ZIK1: variants seen among roughly 807,000 people sequenced by gnomAD.
ZIK1 encodes zinc finger protein interacting with ribonucleoprotein K.
ZIK1 carries 12 observed loss-of-function variants against 10.7 expected under a neutral mutation model. The ratio of observed to expected loss-of-function variants is 1.12; its 90% confidence interval spans 0.72 to 1.81. The LOEUF is 1.81. Ranked by LOEUF, ZIK1 falls within the 40% of genes most tolerant of loss-of-function variation. The probability of loss-of-function intolerance (pLI) is 0.00; values close to 1 mark genes in which losing one functional copy is unlikely to be tolerated. For synonymous variants in ZIK1, 190 were observed against 205.0 expected (o/e 0.93, Z 0.63); for missense variants, 497 against 585.7 (o/e 0.85, Z 1.56).
At position 57,591,118 on chromosome 19, in the gene ZIK1, A is replaced by T; in HGVS notation, c.1307A>T (p.Glu436Val). The T allele has an allele frequency of 1.2e-6, 2 of 1,614,178 alleles. No individual in the cohort carries two copies. Among genetic ancestry groups the T allele is most frequent in the Non-Finnish European group, 1.7e-6 (2 of 1,180,036 alleles). The change falls in exon 4 of 4, where the codon GAG becomes GTG. Residue 436 changes from glutamate to valine, a missense_variant. Transcript: ENST00000597850. ...RRIHTGARPY[E>V]CGQCGKSFSQ... The stretch of plus-strand genomic sequence containing the variant: ...ATTCATACTGGAGCAAGGCCTTATG[A>T]GTGTGGCCAGTGTGGAAAGTCCTTT...
intron 2 of ZIK1, among the ~76,000 whole-genome samples, chr19:57,587,007 T>C (rs1333002802): frequency 1.3e-5 from 2 of 152,150 alleles, no homozygotes; most frequent in African/African-American, 2.4e-5. Flanking sequence ...TGGGGAGGCC[T>C]CACAATCATG....
Position 57,591,370 on chromosome 19 carries a change from C to T in ZIK1, c.*95C>T, listed in dbSNP as rs564692572. ...GTCCACACTTAAGTAGAGCCTTAGA[C>T]CTACAGGGAAAGTGCTGTCTCTGTA... On this transcript the variant is annotated 3_prime_UTR_variant, in exon 4 of 4. Transcript: ENST00000597850. 6.3e-5 allele frequency: 80 copies of T among 1,274,698 alleles called. No individual in the cohort carries two copies. The South Asian group carries it at 1.1e-3, about 18-fold the overall frequency. The allele number at this position is 1,274,698 out of a possible 1,614,324, so 79.0% of individuals were successfully genotyped here.
intron 3 of ZIK1, 110 bp downstream of exon 3, chr19:57,588,775 G>T: frequency 8.2e-7 from 1 of 1,222,632 alleles, no homozygotes. Flanking sequence ...CACTGCCTGA[G>T]TAGCCCTAAC....
Position 57,584,470 on chromosome 19 carries a change from T to C in ZIK1, c.33+81T>C, listed in dbSNP as rs901718279. On this transcript the variant is annotated intron_variant, in intron 1 of 3. Transcript: ENST00000597850. ...GGTCACTACGGTCGAGATCCTCATGTCCAGTACAGTGGGGGCTCGTGGGTG... is the reference window on the plus strand; with the variant it reads ...GGTCACTACGGTCGAGATCCTCATGCCCAGTACAGTGGGGGCTCGTGGGTG... The C allele has an allele frequency of 2.6e-6, 4 of 1,526,964 alleles. No individual in the cohort carries two copies. The African/African-American group carries it at 4.1e-5, about 16-fold the overall frequency. 94.6% of individuals were successfully genotyped at this position (1,526,964 alleles called of 1,614,324 possible). A position where few individuals can be genotyped will look rare whatever the true frequency, so the allele number is the denominator to read the frequency against.
Position 57,591,390 on chromosome 19 carries a change from T to A in ZIK1, c.*115T>A. ...TTAGACCTACAGGGAAAGTGCTGTCTCTGTAGTATTGTAGCAGTAGAGAGC... is the reference window on the plus strand; with the variant it reads ...TTAGACCTACAGGGAAAGTGCTGTCACTGTAGTATTGTAGCAGTAGAGAGC... On this transcript the variant is annotated 3_prime_UTR_variant, in exon 4 of 4. Coordinates refer to ENST00000597850, the MANE Select transcript of ZIK1 (RefSeq NM_001010879.4). The A allele has an allele frequency of 9.4e-7, 1 of 1,061,818 alleles. No homozygotes were observed. The highest frequency in any genetic ancestry group is 1.3e-6 in the Non-Finnish European group (1 of 746,170). 65.8% of individuals were successfully genotyped at this position (1,061,818 alleles called of 1,614,324 possible). A position where few individuals can be genotyped will look rare whatever the true frequency, so the allele number is the denominator to read the frequency against.
At chr19:57,587,473 A>C (rs946482574) in intron 2 of ZIK1, among the ~76,000 whole-genome samples, 2 of 152,166 alleles carry the variant, frequency 1.3e-5, no homozygotes, top group African/African-American at 4.8e-5. Context: ...GAATGGGATT[A>C]GTGAGTGCTC....
intron 3 of ZIK1, chr19:57,589,551 T>C (rs1395352473): frequency 2.0e-6 from 2 of 985,436 alleles, no homozygotes; most frequent in South Asian, 9.4e-5. Flanking sequence ...ACACACATAA[T>C]GTCTCATGAA....
In ZIK1 at chr19:57,591,342, A is replaced by C. The variant is rs934526736; in HGVS notation, c.*67A>C. ...AAGATCTATCATCATTTAGCTCCTG[A>C]AAGTCCACACTTAAGTAGAGCCTTA... On this transcript the variant is annotated 3_prime_UTR_variant, in exon 4 of 4. Transcript: ENST00000597850. 1.4e-6 allele frequency: 2 copies of C among 1,479,382 alleles called. No homozygotes were observed. The highest frequency in any genetic ancestry group is 1.8e-6 in the Non-Finnish European group (2 of 1,093,052). The allele number at this position is 1,479,382 out of a possible 1,614,324, so 91.6% of individuals were successfully genotyped here.
At chr19:57,585,064 C>T in intron 2 of ZIK1, 74 bp downstream of exon 2, 1 of 1,464,452 alleles carries the variant, frequency 6.8e-7, no homozygotes, top group African/African-American at 1.4e-5. Context: ...CTTTTTGCCA[C>T]CATCCAGTTC....
chr19:57,590,182 A>T lies in ZIK1; in HGVS notation c.371A>T (p.Tyr124Phe), dbSNP rs1308449597. ...HLADLPGQKPYLVGECTNHHQ... is the reference protein window; with the variant it reads ...HLADLPGQKPFLVGECTNHHQ... ...GCTGATCTCCCTGGGCAGAAACCAT[A>T]CTTGGTTGGAGAATGTACAAACCAT... The change falls in exon 4 of 4, where the codon TAC (tyrosine) becomes TTC (phenylalanine). Residue 124 changes from tyrosine to phenylalanine, a missense_variant. Physicochemically the swap from Tyr to Phe is conservative, Grantham distance 22 (BLOSUM62 3). Coordinates refer to ENST00000597850, the MANE Select transcript of ZIK1 (RefSeq NM_001010879.4). 6 of 1,614,080 alleles carry T rather than the reference A, an allele frequency of 3.7e-6. No individual in the cohort carries two copies. The highest frequency in any genetic ancestry group is 1.3e-5 in the African/African-American group (1 of 74,920).
chr19:57,590,522 G>A lies in ZIK1; in HGVS notation c.711G>A (p.Lys237=), dbSNP rs541385135. 7 of 1,614,136 alleles carry A rather than the reference G, an allele frequency of 4.3e-6. No individual in the cohort carries two copies. In the South Asian group the frequency reaches 5.5e-5, roughly 13 times the overall value. Residue 237 remains lysine (K), a synonymous_variant, in exon 4 of 4, where the codon AAG becomes AAA. Coordinates refer to ENST00000597850, the MANE Select transcript of ZIK1 (RefSeq NM_001010879.4). ...VYHPRVYTGK[K]LYECSKCGKA... ...ATCCAAGAGTCTACACTGGAAAAAA[G>A]CTTTATGAGTGTAGCAAATGTGGGA...
intron 2 of ZIK1, 72 bp downstream of exon 2, chr19:57,585,062 C>A (rs1263726906): frequency 1.3e-6 from 2 of 1,485,772 alleles, no homozygotes; most frequent in Admixed American, 2.0e-5. Flanking sequence ...ATCTTTTTGC[C>A]ACCATCCAGT....
Position 57,590,835 on chromosome 19 carries a change from CAA to C in ZIK1, c.1026_1027del (p.Arg343SerfsTer9), listed in dbSNP as rs1185005488. On this transcript the variant is annotated frameshift_variant, in exon 4 of 4. Coordinates refer to ENST00000597850, the MANE Select transcript of ZIK1 (RefSeq NM_001010879.4). LOFTEE classifies it low-confidence loss of function (END_TRUNC). ...CCAAAAAGCCACCCTTGTTAAACAC[CAA>C]AGAGTTCACACTGGAGAAAGGCCTT... ...FSQKATLVKH[Q>X]RVHTGERPYK... 13 of 1,613,856 alleles carry C rather than the reference CAA, an allele frequency of 8.1e-6. No homozygotes were observed. The highest frequency in any genetic ancestry group is 1.6e-4 in the Middle Eastern group (1 of 6,084).
rs942936273 is a variant in ZIK1, at chr19:57,589,930, A to AT, written c.200-79dup. On this transcript the variant is annotated intron_variant, in intron 3 of 3. Coordinates refer to ENST00000597850, the MANE Select transcript of ZIK1 (RefSeq NM_001010879.4). ...ATCCTCAAAACAAACCTGGTGAATC[A>AT]TTCGTTTGGTATGTGTGTAATGGGG... 2.7e-6 allele frequency: 4 copies of AT among 1,474,400 alleles called. No individual in the cohort carries two copies. The African/African-American group carries it at 5.6e-5, about 21-fold the overall frequency. The allele number at this position is 1,474,400 out of a possible 1,614,324, so 91.3% of individuals were successfully genotyped here. A position where few individuals can be genotyped will look rare whatever the true frequency, so the allele number is the denominator to read the frequency against.
At chr19:57,588,433 C>T in intron 2 of ZIK1, 106 bp from the exon 3 acceptor site, 1 of 1,236,444 alleles carries the variant, frequency 8.1e-7, no homozygotes, top group Non-Finnish European at 1.1e-6. Context: ...AGAGAGTGGG[C>T]ATCTGTGTCA....
At chr19:57,584,472 C>T (rs1277980105) in intron 1 of ZIK1, 83 bp downstream of exon 1, 2 of 1,526,080 alleles carry the variant, frequency 1.3e-6, no homozygotes, top group Non-Finnish European at 1.8e-6. Context: ...TCCTCATGTC[C>T]AGTACAGTGG....
chr19:57,590,861 T>TTATAAGTG lies in ZIK1; in HGVS notation c.1052_1059dup (p.Gly354IlefsTer160). The TTATAAGTG allele has an allele frequency of 6.2e-7, 1 of 1,613,618 alleles. No individual in the cohort carries two copies. Among genetic ancestry groups the TTATAAGTG allele is most frequent in the Non-Finnish European group, 8.5e-7 (1 of 1,179,780 alleles). On this transcript the variant is annotated frameshift_variant, in exon 4 of 4. Transcript: ENST00000597850. LOFTEE classifies it low-confidence loss of function (END_TRUNC). The stretch of plus-strand genomic sequence containing the variant: ...AAAGAGTTCACACTGGAGAAAGGCC[T>TTATAAGTG]TATAAGTGTGGTGAATGTGGGAATT...
chr19:57,590,415 G>T lies in ZIK1; in HGVS notation c.604G>T (p.Glu202Ter), dbSNP rs1414911122. ...ACCCGGCACAATTACTGAATGTGGG[G>T]AGGACATTCGCAGTCAAAAAAGTCA... ...KKPGTITECGEDIRSQKSHYK... is the reference protein window; with the variant it reads ...KKPGTITECG The change falls in exon 4 of 4, where the codon GAG becomes TAG. Residue 202 changes from glutamate to a stop codon, truncating the protein, a stop_gained. Coordinates refer to ENST00000597850, the MANE Select transcript of ZIK1 (RefSeq NM_001010879.4). LOFTEE classifies it low-confidence loss of function (END_TRUNC). 1.2e-6 allele frequency: 2 copies of T among 1,614,182 alleles called. No homozygotes were observed. Among genetic ancestry groups the T allele is most frequent in the Admixed American group, 3.3e-5 (2 of 60,026 alleles).
intron 1 of ZIK1, 190 bp downstream of exon 1, chr19:57,584,579 C>T (rs559393052): frequency 7.1e-7 from 1 of 1,404,008 alleles, no homozygotes; most frequent in East Asian, 2.7e-5. Context: ...CTCTTGGAGA[C>T]ACAGTGAAGA....
Sources: gnomAD v4.1 joint callset for allele counts (sites outside exome capture counted in the v4.1 genomes callset) on GRCh38, gnomAD v4.1.1 for gene constraint, MANE v1.5 for transcripts, NCBI Gene and HGNC (gene_info 2026-07-23, HGNC 2026-07-21) for gene names.